The following TXLNB variants were observed in gnomAD, a reference collection of about 807,000 sequenced individuals.
The protein encoded by TXLNB is taxilin beta.
TXLNB carries 37 observed loss-of-function variants against 57.4 expected under a neutral mutation model. The observed-to-expected ratio is 0.64, with a 90% CI of 0.50 to 0.85. TXLNB has a LOEUF of 0.85. Among genes scored for constraint, TXLNB ranks in the 40% least tolerant of loss-of-function variants. The pLI, the probability that TXLNB is intolerant of heterozygous loss-of-function variation, is 0.00. For synonymous variants in TXLNB, 302 were observed against 309.6 expected (o/e 0.98, Z 0.26); for missense variants, 848 against 825.6 (o/e 1.03, Z -0.33).
At chr6:139,269,932 G>A (rs1219869421) in intron 4 of TXLNB, among the ~76,000 whole-genome samples, 1 of 152,154 alleles carries the variant, frequency 6.6e-6, no homozygotes, top group East Asian at 1.9e-4. Context: ...TAAACCTGAA[G>A]AGCTTCAGTG....
At chr6:139,248,113 G>A (rs1240699204) in intron 7 of TXLNB, among the ~76,000 whole-genome samples, 2 of 152,096 alleles carry the variant, frequency 1.3e-5, no homozygotes, top group South Asian at 2.1e-4. Flanking sequence ...AGTGGCTCAC[G>A]CCTGTAATGC....
At chr6:139,215,684 C>T in the TXLNB span, among the ~76,000 whole-genome samples, 5 of 152,162 alleles carry the variant, frequency 3.3e-5, no homozygotes, top group African/African-American at 9.7e-5. Flanking sequence ...TCAGAGTGAA[C>T]AGGCAACCTA....
At chr6:139,225,802 T>TTG in the TXLNB span, among the ~76,000 whole-genome samples, 1 of 152,124 alleles carries the variant, frequency 6.6e-6, no homozygotes, top group East Asian at 1.9e-4. Flanking sequence ...GTGTGTGTGT[T>TTG]TGTGTGTGTA....
In TXLNB at chr6:139,255,617, A is replaced by C. The variant is rs1421624174; in HGVS notation, c.1024T>G (p.Trp342Gly). 2 of 1,613,282 alleles carry C rather than the reference A, an allele frequency of 1.2e-6. No individual in the cohort carries two copies. The highest frequency in any genetic ancestry group is 1.7e-6 in the Non-Finnish European group (2 of 1,179,736). The change falls in exon 7 of 10, where the codon TGG (tryptophan) becomes GGG (glycine). Residue 342 changes from tryptophan (W) to glycine (G), a missense_variant. Coordinates refer to ENST00000358430, the MANE Select transcript of TXLNB (RefSeq NM_153235.4). ...KEYLLNQAAE[W>G]KLQAKVLKEQ... is the part of the protein sequence containing the mutation. ...TTCAGCACTTTCGCCTGAAGTTTCC[A>C]CTCTGCTGCCTGGTTCAGCAACTAT...
At chr6:139,284,819 A>C (rs1777135097) in intron 2 of TXLNB, among the ~76,000 whole-genome samples, 1 of 146,514 alleles carries the variant, frequency 6.8e-6, no homozygotes, top group African/African-American at 2.5e-5. Flanking sequence ...GTACCATTTA[A>C]CTGAAAAGTA....
chr6:139,302,274 A>G, the TXLNB span, among the ~76,000 whole-genome samples: 5 of 151,762 alleles, frequency 3.3e-5, no homozygotes, highest in African/African-American at 1.2e-4. Flanking sequence ...TAAGGCCAAC[A>G]AAGGGATTAG....
At chr6:139,318,440 AAAC>A in the TXLNB span, among the ~76,000 whole-genome samples, 1 of 151,952 alleles carries the variant, frequency 6.6e-6, no homozygotes, top group African/African-American at 2.4e-5. Context: ...AATGAGAGAT[AAAC>A]AATAATTGAA....
the TXLNB span, among the ~76,000 whole-genome samples, chr6:139,308,791 C>T: frequency 3.3e-5 from 5 of 152,134 alleles, no homozygotes; most frequent in African/African-American, 1.2e-4. Flanking sequence ...TCATGTTAAA[C>T]AGGAATATTT....
At chr6:139,265,242 C>G (rs907526086) in intron 4 of TXLNB, among the ~76,000 whole-genome samples, 4 of 152,228 alleles carry the variant, frequency 2.6e-5, no homozygotes, top group African/African-American at 4.8e-5. Flanking sequence ...ACAAATGCTT[C>G]TCATTTCTTT....
chr6:139,323,170 A>G, the TXLNB span, among the ~76,000 whole-genome samples: 1 of 152,170 alleles, frequency 6.6e-6, no homozygotes, highest in Non-Finnish European at 1.5e-5. Flanking sequence ...GTTGGTGTTG[A>G]CATTGCACGA....
At chr6:139,177,660 C>T in the TXLNB span, 2 of 152,580 alleles carry the variant, frequency 1.3e-5, no homozygotes, top group Non-Finnish European at 2.9e-5. This position sits in a 1 kb window ranked among gnomAD's most constrained non-coding sequence, Gnocchi z 4.9. Context: ...GTTTCTATCA[C>T]TATTGTAATT....
At chr6:139,170,215 T>G in the TXLNB span, 2 of 152,236 alleles carry the variant, frequency 1.3e-5, no homozygotes, top group Admixed American at 6.5e-5. Flanking sequence ...AGAATAGTAG[T>G]GTTCTTTTTC....
At chr6:139,164,368 T>C in the TXLNB span, among the ~76,000 whole-genome samples, 1 of 151,788 alleles carries the variant, frequency 6.6e-6, no homozygotes, top group African/African-American at 2.4e-5. Flanking sequence ...GTTATGAACA[T>C]TGGGGGTATC....
chr6:139,227,444 T>C, the TXLNB span, among the ~76,000 whole-genome samples: 23 of 152,174 alleles, frequency 1.5e-4, no homozygotes, highest in Admixed American at 2.6e-4. Flanking sequence ...GGGGAGGACA[T>C]AGATCAATGG....
chr6:139,288,405 A>G, intron 2 of TXLNB, 71 bp downstream of exon 2: 1 of 1,402,000 alleles, frequency 7.1e-7, no homozygotes, highest in South Asian at 1.3e-5. Context: ...CTTTTAGTGA[A>G]GTTTGGAAGA....
At chr6:139,235,759 C>T (rs1306692762), downstream of TXLNB, among the ~76,000 whole-genome samples, 1 of 152,090 alleles carries the variant, frequency 6.6e-6, no homozygotes, top group African/African-American at 2.4e-5. Context: ...CCAAATGCTG[C>T]ATTTTCCAAG....
chr6:139,181,566 AG>A, the TXLNB span, among the ~76,000 whole-genome samples: 1 of 152,204 alleles, frequency 6.6e-6, no homozygotes, highest in Non-Finnish European at 1.5e-5. Context: ...CCAAAGTGCA[AG>A]AGTAATGCTA....
At chr6:139,173,563 G>A in the TXLNB span, among the ~76,000 whole-genome samples, 1 of 152,162 alleles carries the variant, frequency 6.6e-6, no homozygotes, top group Non-Finnish European at 1.5e-5. Context: ...GTGTTCTCCT[G>A]ATGGTAGTTT....
chr6:139,280,993 A>G (rs549026441), intron 2 of TXLNB, among the ~76,000 whole-genome samples: 2 of 152,352 alleles, frequency 1.3e-5, no homozygotes, highest in South Asian at 4.1e-4. Context: ...TGGATTAAGG[A>G]TAGGAGACCT....
Sources: allele counts gnomAD v4.1 joint callset (sites outside exome capture counted in the v4.1 genomes callset), GRCh38; gene constraint gnomAD v4.1.1; non-coding constraint Gnocchi (gnomAD v3.1); transcripts MANE v1.5; gene names NCBI Gene and HGNC (gene_info 2026-07-23, HGNC 2026-07-21).